STRN: variants seen among roughly 807,000 people sequenced by gnomAD.
STRN encodes the protein striatin.
Under a neutral mutation model 96.3 loss-of-function variants are expected in STRN, and 53 were observed. The ratio of observed to expected loss-of-function variants is 0.55; its 90% confidence interval spans 0.44 to 0.69. The LOEUF is 0.69. STRN is among the 30% of genes least tolerant of loss of function. The pLI is 0.00. For missense variants in STRN, 987 were observed against 963.9 expected, an observed-to-expected ratio of 1.02 and a Z score of -0.32; for synonymous variants, 428 against 355.9, an observed-to-expected ratio of 1.20 and a Z score of -2.28.
chr2:36,904,985 T>C (rs1451606136), intron 4 of STRN, among the ~76,000 whole-genome samples: 4 of 151,648 alleles, frequency 2.6e-5, no homozygotes, highest in African/African-American at 7.3e-5. Context: ...TTTTTTTTTT[T>C]TGAGATGAAG....
chr2:36,964,819 C>A (rs1432963807), intron 1 of STRN, among the ~76,000 whole-genome samples: 1 of 152,182 alleles, frequency 6.6e-6, no homozygotes, highest in Admixed American at 6.5e-5. Flanking sequence ...GGACTGTTTG[C>A]CTCTCCACTA....
At chr2:36,925,895 T>A (rs1431688729) in intron 1 of STRN, among the ~76,000 whole-genome samples, 1 of 152,240 alleles carries the variant, frequency 6.6e-6, no homozygotes, top group East Asian at 1.9e-4. Flanking sequence ...AGGGTTAAAG[T>A]AAAATCAGTT....
chr2:36,960,014 T>A (rs1296626995), intron 1 of STRN, among the ~76,000 whole-genome samples: 1 of 152,146 alleles, frequency 6.6e-6, no homozygotes, highest in Non-Finnish European at 1.5e-5. Context: ...CTATAACCTT[T>A]CTAAAATATA....
intron 6 of STRN, among the ~76,000 whole-genome samples, chr2:36,898,011 C>T (rs1481854881): frequency 6.6e-6 from 1 of 152,052 alleles, no homozygotes; most frequent in Non-Finnish European, 1.5e-5. Context: ...ATGATCTGCA[C>T]TAATTAGAAG....
At chr2:36,851,393 A>G (rs1258597039) in intron 15 of STRN, among the ~76,000 whole-genome samples, 1 of 152,050 alleles carries the variant, frequency 6.6e-6, no homozygotes, top group African/African-American at 2.4e-5. Context: ...TGAGGCAGGA[A>G]AATCACTTGA....
At chr2:36,924,404 G>C (rs1269240820) in intron 2 of STRN, among the ~76,000 whole-genome samples, 1 of 150,112 alleles carries the variant, frequency 6.7e-6, no homozygotes, top group Admixed American at 6.6e-5. Flanking sequence ...TAGTCTGCTG[G>C]AACAATTTTT....
At chr2:36,963,828 A>G (rs899359285) in intron 1 of STRN, among the ~76,000 whole-genome samples, 6 of 152,004 alleles carry the variant, frequency 3.9e-5, no homozygotes, top group Non-Finnish European at 7.4e-5. Flanking sequence ...ATGGTGGTGC[A>G]TGACTGTAAT....
In STRN at chr2:36,933,059, T is replaced by TACACACACACAC. The variant is rs61245812; in HGVS notation, c.235-7863_235-7852dup. ...CTAGAAATTCCATTTTTTTTTAATT[T>TACACACACACAC]ACACACACACACACACACACACACA... On this transcript the variant is annotated intron_variant, in intron 1 of 17. Coordinates refer to ENST00000263918, the MANE Select transcript of STRN (RefSeq NM_003162.4). Among the ~76,000 whole-genome samples the TACACACACACAC allele has an allele frequency of 4.8e-4, 71 of 148,078 alleles. No individual in the cohort carries two copies. In the Admixed American group the frequency reaches 4.8e-3, roughly 10 times the overall value.
chr2:36,939,783 T>C (rs1024860132), intron 1 of STRN, among the ~76,000 whole-genome samples: 1 of 152,046 alleles, frequency 6.6e-6, no homozygotes, highest in Non-Finnish European at 1.5e-5. Context: ...AGAATAAAAG[T>C]AAATAAAACA....
chr2:36,850,864 T>A, intron 16 of STRN, 136 bp downstream of exon 16: 1 of 584,844 alleles, frequency 1.7e-6, no homozygotes, highest in Non-Finnish European at 3.0e-6. Context: ...GAAGAGAAAC[T>A]GAGACGGGAG....
At chr2:36,957,204 C>CA (rs1336004475) in intron 1 of STRN, among the ~76,000 whole-genome samples, 1 of 152,166 alleles carries the variant, frequency 6.6e-6, no homozygotes, top group Admixed American at 6.5e-5. Context: ...AAAGCAAAGA[C>CA]AAAACAGAAG....
At chr2:36,862,130 G>C (rs143184950) in intron 12 of STRN, among the ~76,000 whole-genome samples, 50 of 152,280 alleles carry the variant, frequency 3.3e-4, no homozygotes, top group Middle Eastern at 6.8e-3. Flanking sequence ...GTATTCCACG[G>C]TGTCTATGTA....
intron 1 of STRN, among the ~76,000 whole-genome samples, chr2:36,957,295 T>C (rs926470094): frequency 2.6e-5 from 4 of 152,200 alleles, no homozygotes; most frequent in Non-Finnish European, 4.4e-5. Flanking sequence ...GCATTTACTT[T>C]AAAGTGATTC....
Position 36,843,048 on chromosome 2 carries a change from C to G in STRN, c.*6408G>C, listed in dbSNP as rs962425291. On this transcript the variant is annotated 3_prime_UTR_variant, in exon 18 of 18. Coordinates refer to ENST00000263918, the MANE Select transcript of STRN (RefSeq NM_003162.4). ...GGCTGACCCCAGGAGGTTCATCAAT[C>G]CGTGAATAATTTTTGGAGTTTTAAT... is the stretch of plus-strand genomic sequence containing the variant. 6.6e-6 allele frequency among the ~76,000 whole-genome samples: 1 copy of G among 152,056 alleles called. No individual in the cohort carries two copies. The highest frequency in any genetic ancestry group is 6.6e-5 in the Admixed American group (1 of 15,252).
chr2:36,913,787 T>C (rs567691793), intron 3 of STRN, among the ~76,000 whole-genome samples: 2 of 152,314 alleles, frequency 1.3e-5, no homozygotes, highest in Admixed American at 6.5e-5. Flanking sequence ...CTAGGTATTG[T>C]ACACTAAGAA....
In STRN at chr2:36,845,236, G is replaced by A. The variant is rs181959706; in HGVS notation, c.*4220C>T. Reference sequence around the variant, plus strand: ...TCTCCACTCGCTAAAAACATTGATGGTTAATTTTAAGCAATTCTTTCAAAG... The same window carrying A: ...TCTCCACTCGCTAAAAACATTGATGATTAATTTTAAGCAATTCTTTCAAAG... On this transcript the variant is annotated 3_prime_UTR_variant, in exon 18 of 18. Transcript: ENST00000263918. 6.6e-6 allele frequency: 1 copy of A among 152,154 alleles called. No homozygotes were observed. Among genetic ancestry groups the A allele is most frequent in the East Asian group, 1.9e-4 (1 of 5,184 alleles). 9.4% of individuals were successfully genotyped at this position (152,154 alleles called of 1,614,324 possible). A position where few individuals can be genotyped will look rare whatever the true frequency, so the allele number is the denominator to read the frequency against.
intron 9 of STRN, among the ~76,000 whole-genome samples, chr2:36,879,274 T>A (rs1251792408): frequency 6.6e-6 from 1 of 152,164 alleles, no homozygotes; most frequent in Admixed American, 6.5e-5. Flanking sequence ...TTTCCCCATG[T>A]TGACCAGGCT....
chr2:36,851,119 A>G lies in STRN; in HGVS notation c.1979-12T>C. The G allele has an allele frequency of 6.3e-7, 1 of 1,598,318 alleles. No individual in the cohort carries two copies. The highest frequency in any genetic ancestry group is 8.6e-7 in the Non-Finnish European group (1 of 1,167,616). The stretch of plus-strand genomic sequence containing the variant: ...GGAAGAGTTGGCTGCTAAAAAGAAA[A>G]AATTAAAAAGCAACACAACTTAGTC... On this transcript the variant is annotated splice_polypyrimidine_tract_variant and intron_variant, in intron 15 of 17. Coordinates refer to ENST00000263918, the MANE Select transcript of STRN (RefSeq NM_003162.4).
intron 1 of STRN, among the ~76,000 whole-genome samples, chr2:36,934,164 C>A (rs2148243973): frequency 6.6e-6 from 1 of 152,074 alleles, no homozygotes; most frequent in Middle Eastern, 3.4e-3. Flanking sequence ...TCTGCCCCCA[C>A]AAAGAAAGAA....
Sources: allele counts gnomAD v4.1 joint callset (sites outside exome capture counted in the v4.1 genomes callset), GRCh38; gene constraint gnomAD v4.1.1; transcripts MANE v1.5; gene names NCBI Gene and HGNC (gene_info 2026-07-23, HGNC 2026-07-21).